TPGS1: variants seen among roughly 807,000 people sequenced by gnomAD.
TPGS1 encodes tubulin polyglutamylase complex subunit 1.
Under a neutral mutation model 11.9 loss-of-function variants are expected in TPGS1, and 18 were observed. The ratio of observed to expected loss-of-function variants is 1.51; its 90% CI spans 1.04 to 2.24. The LOEUF is 2.24. Among genes scored for constraint, TPGS1 ranks in the 30% most tolerant of loss-of-function variants. The probability of loss-of-function intolerance (pLI) is 0.00; values close to 1 mark genes in which losing one functional copy is unlikely to be tolerated. For synonymous variants in TPGS1, 247 were observed against 218.2 expected (o/e 1.13, Z -1.16); for missense variants, 500 against 443.0 (o/e 1.13, Z -1.16).
Position 519,533 on chromosome 19 carries a change from C to A in TPGS1, c.*110C>A. On this transcript the variant is annotated 3_prime_UTR_variant, in exon 2 of 2. Transcript: ENST00000359315. ...GGCCCTGCCATAACCAGGCGCCCAG[C>A]CCTGCGGAGGAGGCCGGGGCTCCCA... The A allele has an allele frequency of 9.7e-7, 1 of 1,036,202 alleles. No homozygotes were observed. The highest frequency in any genetic ancestry group is 1.2e-6 in the Non-Finnish European group (1 of 831,254). The allele number at this position is 1,036,202 out of a possible 1,614,324, so 64.2% of individuals were successfully genotyped here. A position where few individuals can be genotyped will look rare whatever the true frequency, so the allele number is the denominator to read the frequency against.
Position 519,010 on chromosome 19 carries a change from G to C in TPGS1, c.460G>C (p.Gly154Arg), listed in dbSNP as rs771797124. 5 of 1,568,318 alleles carry C rather than the reference G, an allele frequency of 3.2e-6. No homozygotes were observed. Among genetic ancestry groups the C allele is most frequent in the East Asian group, 2.3e-5 (1 of 43,502 alleles). Residue 154 changes from glycine to arginine, a missense_variant, in exon 2 of 2, where the codon GGC (glycine) becomes CGC (arginine). Transcript: ENST00000359315. ...GCTGCTCAGGCGCATCTGCCGGGAC[G>C]GCCAAGCCCCCGAGGAGGTGGTGGC... ...SELLRRICRD[G>R]QAPEEVVAPL...
chr19:517,314 C>T (rs928169693), intron 1 of TPGS1, among the ~76,000 whole-genome samples: 3 of 130,134 alleles, frequency 2.3e-5, no homozygotes, highest in Admixed American at 8.2e-5. Flanking sequence ...GCCCTGAGGC[C>T]GGTCCAGTTG....
chr19:512,773 C>T (rs947446660), intron 1 of TPGS1, among the ~76,000 whole-genome samples: 19 of 152,358 alleles, frequency 1.2e-4, no homozygotes, highest in African/African-American at 4.6e-4. Flanking sequence ...ACAGCCGGAA[C>T]GGGACTGCAG....
chr19:507,572 C>A lies in TPGS1; in HGVS notation c.66C>A (p.Arg22=), dbSNP rs773463419. The part of the protein sequence containing the change: ...PPPAGFTDSG[R]QSVSRAAGAA... Reference sequence around the variant, plus strand: ...CGGCCGGTTTCACGGACAGCGGCCGCCAGTCGGTATCCCGGGCGGCGGGGG... The same window carrying A: ...CGGCCGGTTTCACGGACAGCGGCCGACAGTCGGTATCCCGGGCGGCGGGGG... Residue 22 remains arginine (R), a synonymous_variant, in exon 1 of 2, where the codon CGC becomes CGA. Coordinates refer to ENST00000359315, the MANE Select transcript of TPGS1 (RefSeq NM_033513.3). 3.6e-6 allele frequency: 5 copies of A among 1,392,872 alleles called. No homozygotes were observed. The highest frequency in any genetic ancestry group is 3.7e-6 in the Non-Finnish European group (4 of 1,068,688). The allele number at this position is 1,392,872 out of a possible 1,614,324, so 86.3% of individuals were successfully genotyped here.
intron 1 of TPGS1, chr19:508,222 C>T (rs1477850253): frequency 5.2e-6 from 1 of 192,110 alleles, no homozygotes. Flanking sequence ...TTAGCAGCCT[C>T]ATGTTATCCC....
intron 1 of TPGS1, among the ~76,000 whole-genome samples, chr19:516,049 GAAGAAAGA>G (rs891172249): frequency 1.5e-5 from 2 of 130,706 alleles, no homozygotes; most frequent in Admixed American, 7.6e-5. Context: ...AAAAAAAAAG[GAAGAAAGA>G]AAGAAAGAAA....
At chr19:513,804 T>G (rs1229112333) in intron 1 of TPGS1, among the ~76,000 whole-genome samples, 4 of 150,956 alleles carry the variant, frequency 2.6e-5, no homozygotes, top group Non-Finnish European at 5.9e-5. Context: ...AGCCCCACAT[T>G]TACTGAGCAC....
At position 519,646 on chromosome 19, in the gene TPGS1, C is replaced by T. The variant is rs1600406770; in HGVS notation, c.*223C>T. Reference sequence around the variant, plus strand: ...TGCCCCACGCTAATAAAATGTGTTGCGAGGCTGACGCTGGTGTGTATGCGA... The same window carrying T: ...TGCCCCACGCTAATAAAATGTGTTGTGAGGCTGACGCTGGTGTGTATGCGA... On this transcript the variant is annotated 3_prime_UTR_variant, in exon 2 of 2. Transcript: ENST00000359315. The T allele has an allele frequency of 7.0e-6, 2 of 286,476 alleles. No individual in the cohort carries two copies. Among genetic ancestry groups the T allele is most frequent in the East Asian group, 1.3e-4 (2 of 15,676 alleles). 17.7% of individuals were successfully genotyped at this position (286,476 alleles called of 1,614,324 possible).
At chr19:517,073 G>A (rs1198476806) in intron 1 of TPGS1, among the ~76,000 whole-genome samples, 1 of 152,036 alleles carries the variant, frequency 6.6e-6, no homozygotes, top group African/African-American at 2.4e-5. Context: ...TGGGCACCAG[G>A]GCTATAACCA....
In TPGS1 at chr19:518,956, C is replaced by T. The variant is rs1979058173; in HGVS notation, c.406C>T (p.Pro136Ser). 2.5e-6 allele frequency: 4 copies of T among 1,586,670 alleles called. No homozygotes were observed. The African/African-American group carries it at 5.4e-5, about 21-fold the overall frequency. ...GAGCGCCGGCGGGCGCAGGAAGAGGCCGGGGCTGGACGGGCGCACCTACAG... is the reference window on the plus strand; with the variant it reads ...GAGCGCCGGCGGGCGCAGGAAGAGGTCGGGGCTGGACGGGCGCACCTACAG... Reference protein sequence around the residue: ...CLSAGGRRKRPGLDGRTYSEL... With the variant: ...CLSAGGRRKRSGLDGRTYSEL... The change falls in exon 2 of 2, where the codon CCG (proline) becomes TCG (serine). Residue 136 changes from proline (P) to serine (S), a missense_variant. Pro to Ser is a moderately conservative substitution (Grantham distance 74, BLOSUM62 -1). Coordinates refer to ENST00000359315, the MANE Select transcript of TPGS1 (RefSeq NM_033513.3).
chr19:518,921 A>T lies in TPGS1; in HGVS notation c.371A>T (p.Tyr124Phe). 1 of 1,574,898 alleles carries T rather than the reference A, an allele frequency of 6.3e-7. No homozygotes were observed. Among genetic ancestry groups the T allele is most frequent in the Non-Finnish European group, 8.6e-7 (1 of 1,167,594 alleles). ...AAFNNNVSVA[Y>F]ECLSAGGRRK... ...TTCAACAACAACGTGAGCGTGGCCT[A>T]CGAGTGCCTGAGCGCCGGCGGGCGC... is the stretch of plus-strand genomic sequence containing the variant. Residue 124 changes from tyrosine to phenylalanine, a missense_variant, in exon 2 of 2, where the codon TAC becomes TTC. By Grantham distance (22) the Tyr-to-Phe change is conservative. Transcript: ENST00000359315.
chr19:513,048 G>A (rs1312979613), intron 1 of TPGS1, among the ~76,000 whole-genome samples: 1 of 152,222 alleles, frequency 6.6e-6, no homozygotes, highest in Admixed American at 6.5e-5. Flanking sequence ...CAGCAAAGCC[G>A]CCGCCGAGAC....
At chr19:508,325 G>C (rs756408043) in intron 1 of TPGS1, 1 of 153,772 alleles carries the variant, frequency 6.5e-6, no homozygotes, top group Admixed American at 6.5e-5. Context: ...GGGCAGGTGG[G>C]GATTCCTGGA....
rs1978666221 is a variant in TPGS1 at position 507,768 on chromosome 19, C to G, written c.262C>G (p.Pro88Ala). The change falls in exon 1 of 2, where the codon CCG becomes GCG. Residue 88 changes from proline to alanine, a missense_variant. Coordinates refer to ENST00000359315, the MANE Select transcript of TPGS1 (RefSeq NM_033513.3). ...SPVNGGAGEP[P>A]GQLLLQQQRL... ...TGTAAACGGCGGCGCCGGGGAGCCC[C>G]CGGGCCAGCTCCTGCTGCAGCAGCA... 5 of 1,392,824 alleles carry G rather than the reference C, an allele frequency of 3.6e-6. No individual in the cohort carries two copies. In the East Asian group the frequency reaches 1.5e-4, roughly 42 times the overall value. 86.3% of individuals were successfully genotyped at this position (1,392,824 alleles called of 1,614,324 possible). A position where few individuals can be genotyped will look rare whatever the true frequency, so the allele number is the denominator to read the frequency against.
Position 507,803 on chromosome 19 carries a change from C to T in TPGS1, c.297C>T (p.Gly99=). The T allele has an allele frequency of 3.6e-6, 5 of 1,379,238 alleles. No homozygotes were observed. Among genetic ancestry groups the T allele is most frequent in the South Asian group, 1.6e-5 (1 of 61,656 alleles). 85.4% of individuals were successfully genotyped at this position (1,379,238 alleles called of 1,614,324 possible). A position where few individuals can be genotyped will look rare whatever the true frequency, so the allele number is the denominator to read the frequency against. The change falls in exon 1 of 2, where the codon GGC becomes GGT. Residue 99 remains glycine (G), a synonymous_variant. Coordinates refer to ENST00000359315, the MANE Select transcript of TPGS1 (RefSeq NM_033513.3). Reference sequence around the variant, plus strand: ...TCCTGCTGCAGCAGCAGCGCCTGGGCCGCGCGCTATGGCACCTTCGCCTGG... The same window carrying T: ...TCCTGCTGCAGCAGCAGCGCCTGGGTCGCGCGCTATGGCACCTTCGCCTGG... ...GQLLLQQQRL[G]RALWHLRLAH... is the part of the protein sequence containing the mutation.
intron 1 of TPGS1, among the ~76,000 whole-genome samples, chr19:513,379 C>T (rs12459164): frequency 0.19 from 29,488 of 152,180 alleles, 3,755 homozygotes; most frequent in Admixed American, 0.34. Flanking sequence ...AGTTGAATTG[C>T]AGGTCGCTGC....
chr19:519,451 C>T lies in TPGS1; in HGVS notation c.*28C>T. ...CCCGTGGGCCGCGCGGATCCGGGAT[C>T]TGCGCTGGGGGGTCCCCGCGTGCGG... On this transcript the variant is annotated 3_prime_UTR_variant, in exon 2 of 2. Transcript: ENST00000359315. 8.3e-7 allele frequency: 1 copy of T among 1,199,096 alleles called. No individual in the cohort carries two copies. Among genetic ancestry groups the T allele is most frequent in the South Asian group, 3.8e-5 (1 of 26,338 alleles). The allele number at this position is 1,199,096 out of a possible 1,614,324, so 74.3% of individuals were successfully genotyped here. A position where few individuals can be genotyped will look rare whatever the true frequency, so the allele number is the denominator to read the frequency against.
At chr19:511,881 G>GTTT (rs35486040) in intron 1 of TPGS1, among the ~76,000 whole-genome samples, 1 of 151,446 alleles carries the variant, frequency 6.6e-6, no homozygotes, top group Non-Finnish European at 1.5e-5. Context: ...TTTTTTTGTT[G>GTTT]TTTTTTTTGA....
At chr19:511,843 C>T (rs945195874) in intron 1 of TPGS1, among the ~76,000 whole-genome samples, 2 of 152,132 alleles carry the variant, frequency 1.3e-5, no homozygotes, top group Non-Finnish European at 2.9e-5. Context: ...AAACTCTTCT[C>T]GCTTACTCTG....
Sources: allele counts gnomAD v4.1 joint callset (sites outside exome capture counted in the v4.1 genomes callset), GRCh38; gene constraint gnomAD v4.1.1; transcripts MANE v1.5; gene names NCBI Gene and HGNC (gene_info 2026-07-23, HGNC 2026-07-21).